Variants in WLS observed in about 807,000 individuals in gnomAD.
WLS encodes protein wntless homolog.
WLS carries 23 observed loss-of-function variants against 62.8 expected under a neutral mutation model. The observed-to-expected ratio is 0.37, with a 90% CI of 0.26 to 0.52. WLS has a LOEUF of 0.52. Among genes scored for constraint, WLS ranks in the 20% least tolerant of loss-of-function variants. The pLI is 0.92. For missense variants in WLS, 615 were observed against 697.3 expected, an observed-to-expected ratio of 0.88 and a Z score of 1.33; for synonymous variants, 246 against 244.1, an observed-to-expected ratio of 1.01 and a Z score of -0.07.
intron 1 of WLS, among the ~76,000 whole-genome samples, chr1:68,201,102 G>A (rs549323641): frequency 1.3e-4 from 20 of 151,966 alleles, no homozygotes; most frequent in Non-Finnish European, 2.2e-4. Context: ...CATGCCTTTC[G>A]CCAGCTCAAA....
chr1:68,120,361 C>G (rs964522811), downstream of WLS, among the ~76,000 whole-genome samples: 9 of 152,226 alleles, frequency 5.9e-5, no homozygotes, highest in African/African-American at 2.2e-4. Context: ...AGGGCAGACA[C>G]TTGCCATTCA....
chr1:68,186,051 G>T (rs1202960955), intron 2 of WLS, among the ~76,000 whole-genome samples: 2 of 152,174 alleles, frequency 1.3e-5, no homozygotes, highest in Non-Finnish European at 2.9e-5. Flanking sequence ...ATGCAAAGAG[G>T]CATTCCTATC....
At chr1:68,139,045 A>C (rs1249547168) in intron 10 of WLS, among the ~76,000 whole-genome samples, 2 of 152,248 alleles carry the variant, frequency 1.3e-5, no homozygotes, top group African/African-American at 2.4e-5. Flanking sequence ...GTCTAAGTAT[A>C]GGTATTTTTT....
At chr1:68,204,343 G>A (rs1265201012) in intron 1 of WLS, among the ~76,000 whole-genome samples, 5 of 151,314 alleles carry the variant, frequency 3.3e-5, no homozygotes, top group Admixed American at 2.6e-4. Context: ...TTTTTTAGAC[G>A]GAGTCTCGCT....
intron 2 of WLS, among the ~76,000 whole-genome samples, chr1:68,180,139 C>T (rs1281096539): frequency 6.6e-6 from 1 of 151,824 alleles, no homozygotes; most frequent in Non-Finnish European, 1.5e-5. Flanking sequence ...TGCCAGCTAT[C>T]ACTGTGGCCA....
chr1:68,101,579 C>T (rs966037384), intron 11 of WLS, among the ~76,000 whole-genome samples: 4 of 152,228 alleles, frequency 2.6e-5, no homozygotes, highest in African/African-American at 9.6e-5. Flanking sequence ...CCTGAGAGTG[C>T]TGTCTTCTCT....
Position 68,126,352 on chromosome 1 carries a change from G to A in WLS, c.1517-17C>T, listed in dbSNP as rs555297533. The A allele has an allele frequency of 2.7e-5, 43 of 1,613,634 alleles. No homozygotes were observed. Among genetic ancestry groups the A allele is most frequent in the Admixed American group, 3.3e-5 (2 of 59,990 alleles). ...CCAGATCGCCTGAAACAGGGTTTTCGGTGTTAGATGCATTCAAGGAGGAAG... is the reference window on the plus strand; with the variant it reads ...CCAGATCGCCTGAAACAGGGTTTTCAGTGTTAGATGCATTCAAGGAGGAAG... On this transcript the variant is annotated splice_polypyrimidine_tract_variant and intron_variant, in intron 11 of 11. Transcript: ENST00000262348.
chr1:68,184,975 C>T (rs892011282), intron 2 of WLS, among the ~76,000 whole-genome samples: 2 of 152,220 alleles, frequency 1.3e-5, no homozygotes, highest in African/African-American at 4.8e-5. Context: ...TTGATTCCCA[C>T]TCCACTCATA....
intron 2 of WLS, 61 bp from the exon 3 acceptor site, chr1:68,159,308 T>C: frequency 6.3e-7 from 1 of 1,575,350 alleles, no homozygotes; most frequent in South Asian, 1.2e-5. Flanking sequence ...TAGAAACAGC[T>C]CAAAAAATTC....
chr1:68,126,948 C>T (rs991029272), intron 11 of WLS: 11 of 241,574 alleles, frequency 4.6e-5, no homozygotes, highest in African/African-American at 9.4e-5. Context: ...CTCAGCTACT[C>T]GAGAAGCAGG....
Position 68,142,030 on chromosome 1 carries a change from A to T in WLS, c.1362+2539T>A, listed in dbSNP as rs749473625. ...GCTGAAGCTGTATTAGAAAATACTG[A>T]GGCAATAGAATATTAATCTTTTTCT... On this transcript the variant is annotated intron_variant, in intron 10 of 11. Coordinates refer to ENST00000262348, the MANE Select transcript of WLS (RefSeq NM_024911.7). Among the ~76,000 whole-genome samples, 85 of 152,358 alleles carry T rather than the reference A, an allele frequency of 5.6e-4. 1 individual carries two copies. The highest frequency in any genetic ancestry group is 7.3e-4 in the Non-Finnish European group (50 of 68,038).
chr1:68,180,632 G>T (rs1448795891), intron 2 of WLS, among the ~76,000 whole-genome samples: 3 of 152,162 alleles, frequency 2.0e-5, no homozygotes, highest in Non-Finnish European at 4.4e-5. Flanking sequence ...TTCACCACCT[G>T]TTTCTTTGTT....
intron 2 of WLS, among the ~76,000 whole-genome samples, chr1:68,193,166 G>C (rs1358817355): frequency 6.6e-6 from 1 of 151,170 alleles, no homozygotes; most frequent in Non-Finnish European, 1.5e-5. Flanking sequence ...TCTATGGACA[G>C]GCCCTAGACA....
chr1:68,193,726 G>T, intron 2 of WLS: 1 of 535,346 alleles, frequency 1.9e-6, no homozygotes, highest in Non-Finnish European at 3.3e-6. Flanking sequence ...CCTCACTGGT[G>T]CCCAAGTGTT....
At chr1:68,201,696 A>G (rs146343064) in intron 1 of WLS, among the ~76,000 whole-genome samples, 1 of 152,354 alleles carries the variant, frequency 6.6e-6, no homozygotes, top group Non-Finnish European at 1.5e-5. Flanking sequence ...CATCTGTTCT[A>G]GGAAAGCTAA....
chr1:68,150,196 G>C lies in WLS; in HGVS notation c.964C>G (p.His322Asp). Residue 322 changes from histidine (H) to aspartate (D), a missense_variant, in exon 6 of 12, where the codon CAC (histidine) becomes GAC (aspartate). Transcript: ENST00000262348. ...CTCCCGGCGGCTCTTACCATCATGT[G>C]CTCGCCACAGAAGATGATCCAGAAG... ...LSFWIIFCGEHMMDQHERNHI... is the reference protein window; with the variant it reads ...LSFWIIFCGEDMMDQHERNHI... The C allele has an allele frequency of 1.9e-6, 3 of 1,614,084 alleles. No individual in the cohort carries two copies. In the South Asian group the frequency reaches 3.3e-5, roughly 18 times the overall value.
At chr1:68,126,474 C>A in intron 11 of WLS, 139 bp from the exon 12 acceptor site, 2 of 1,162,338 alleles carry the variant, frequency 1.7e-6, no homozygotes, top group Non-Finnish European at 2.4e-6. Context: ...ACACAACATT[C>A]AGAACAAGGA....
chr1:68,200,814 A>T (rs1337615838), intron 1 of WLS, among the ~76,000 whole-genome samples: 1 of 152,216 alleles, frequency 6.6e-6, no homozygotes, highest in Non-Finnish European at 1.5e-5. Context: ...GCCTATCTAA[A>T]TATCTCTGCT....
chr1:68,138,095 G>T, intron 10 of WLS, 162 bp from the exon 11 acceptor site: 1 of 823,056 alleles, frequency 1.2e-6, no homozygotes, highest in Non-Finnish European at 1.8e-6. Flanking sequence ...TCATTTCGGT[G>T]TAAATTAAGG....
Sources: gnomAD v4.1 joint callset for allele counts (sites outside exome capture counted in the v4.1 genomes callset) on GRCh38, gnomAD v4.1.1 for gene constraint, MANE v1.5 for transcripts, NCBI Gene and HGNC (gene_info 2026-07-23, HGNC 2026-07-21) for gene names.